SYK: variants seen among roughly 807,000 people sequenced by gnomAD.
SYK encodes tyrosine-protein kinase SYK.
A neutral mutation model predicts 77.8 loss-of-function variants in SYK; 16 were observed. The ratio of observed to expected loss-of-function variants is 0.21; its 90% CI spans 0.14 to 0.31. The LOEUF (loss-of-function observed/expected upper bound fraction) is 0.31. Ranked by LOEUF, SYK falls within the 10% of genes least tolerant of loss-of-function variation. The pLI is 1.00. For missense variants in SYK, 529 were observed against 814.4 expected (o/e 0.65, Z 4.26); for synonymous variants, 312 against 308.7 (o/e 1.01, Z -0.11).
At chr9:90,806,331 T>G (rs932243695) in intron 1 of SYK, among the ~76,000 whole-genome samples, 12 of 152,208 alleles carry the variant, frequency 7.9e-5, no homozygotes, top group African/African-American at 2.4e-4. Context: ...CTCTTCAGTC[T>G]TGCTATACAT....
chr9:90,824,452 A>G (rs184078257), intron 1 of SYK, among the ~76,000 whole-genome samples: 16 of 152,312 alleles, frequency 1.1e-4, no homozygotes, highest in Admixed American at 4.6e-4. Context: ...AATATTACTT[A>G]TATATACAAA....
At chr9:90,870,904 C>T (rs901646634) in intron 7 of SYK, among the ~76,000 whole-genome samples, 2 of 152,168 alleles carry the variant, frequency 1.3e-5, no homozygotes, top group Non-Finnish European at 2.9e-5. Flanking sequence ...AAATTAAGAT[C>T]TAGTAAATGG....
Position 90,862,222 on chromosome 9 carries a change from A to C in SYK, c.595A>C (p.Asn199His). 6.2e-7 allele frequency: 1 copy of C among 1,612,640 alleles called. No homozygotes were observed. Among genetic ancestry groups the C allele is most frequent in the South Asian group, 1.1e-5 (1 of 90,954 alleles). Reference sequence around the variant, plus strand: ...CTCTTCTAGGATCCGAGCCAGAGACAACAACGGCTCCTACGCCCTGTGCCT... The same window carrying C: ...CTCTTCTAGGATCCGAGCCAGAGACCACAACGGCTCCTACGCCCTGTGCCT... Reference protein sequence around the residue: ...NGKFLIRARDNNGSYALCLLH... With the variant: ...NGKFLIRARDHNGSYALCLLH... The change falls in exon 4 of 14, where the codon AAC becomes CAC. Residue 199 changes from asparagine (N) to histidine (H), a missense_variant. Transcript: ENST00000375754.
chr9:90,866,189 G>A (rs1171439051), intron 6 of SYK, among the ~76,000 whole-genome samples: 1 of 152,148 alleles, frequency 6.6e-6, no homozygotes, highest in African/African-American at 2.4e-5. Context: ...GTGAGCCACC[G>A]TGCCCGGCCC....
At chr9:90,830,015 GT>G (rs1825821354) in intron 1 of SYK, among the ~76,000 whole-genome samples, 1 of 152,186 alleles carries the variant, frequency 6.6e-6, no homozygotes, top group Admixed American at 6.5e-5. Flanking sequence ...TTTGGATAAT[GT>G]TTTCAAGTAT....
At chr9:90,826,122 C>A (rs927122056) in intron 1 of SYK, among the ~76,000 whole-genome samples, 1 of 152,192 alleles carries the variant, frequency 6.6e-6, no homozygotes, top group South Asian at 2.1e-4. Context: ...AGGAAAGCCC[C>A]AAGCTTACAT....
In SYK at chr9:90,879,433, C is replaced by G. The variant is rs71494431; in HGVS notation, c.1581+480C>G. Among the ~76,000 whole-genome samples, 3 of 152,070 alleles carry G rather than the reference C, an allele frequency of 2.0e-5. No individual in the cohort carries two copies. The East Asian group carries it at 5.8e-4, about 29-fold the overall frequency. On this transcript the variant is annotated intron_variant, in intron 11 of 13. Coordinates refer to ENST00000375754, the MANE Select transcript of SYK (RefSeq NM_003177.7). ...TTCATAACATGTGGTGGAACACTGTCCCACAGCATGGAGCTATTGGAGCTT... is the reference window on the plus strand; with the variant it reads ...TTCATAACATGTGGTGGAACACTGTGCCACAGCATGGAGCTATTGGAGCTT...
At chr9:90,851,447 A>G (rs1347903575) in intron 3 of SYK, among the ~76,000 whole-genome samples, 1 of 152,178 alleles carries the variant, frequency 6.6e-6, no homozygotes, top group Non-Finnish European at 1.5e-5. Context: ...AGTGTGGGTC[A>G]GTGGTTGTCC....
intron 1 of SYK, among the ~76,000 whole-genome samples, chr9:90,820,154 C>T (rs530815604): frequency 2.0e-5 from 3 of 152,316 alleles, no homozygotes; most frequent in African/African-American, 7.2e-5. Context: ...GTACAGCCTC[C>T]CTCATGGCTG....
intron 11 of SYK, among the ~76,000 whole-genome samples, chr9:90,886,314 AT>A (rs1828573776): frequency 6.6e-6 from 1 of 152,230 alleles, no homozygotes; most frequent in Non-Finnish European, 1.5e-5. Flanking sequence ...TTTTAAAAAA[AT>A]GCTTTGCAGA....
chr9:90,813,341 A>G (rs1825167194), intron 1 of SYK, among the ~76,000 whole-genome samples: 1 of 152,034 alleles, frequency 6.6e-6, no homozygotes, highest in African/African-American at 2.4e-5. Flanking sequence ...GCACTGTGCC[A>G]TACTCGCCCA....
chr9:90,807,046 A>G (rs2115484), intron 1 of SYK, among the ~76,000 whole-genome samples: 35,505 of 152,168 alleles, frequency 0.23, 4,205 homozygotes, highest in Middle Eastern at 0.35. Flanking sequence ...AGAAATGCTG[A>G]ATGAAATAAA....
chr9:90,894,747 A>G (rs1361896184), intron 13 of SYK, among the ~76,000 whole-genome samples: 1 of 152,232 alleles, frequency 6.6e-6, no homozygotes, highest in Non-Finnish European at 1.5e-5. Context: ...AGGATCGATT[A>G]TCAGGGTTTT....
intron 10 of SYK, 121 bp downstream of exon 10, chr9:90,877,901 A>C: frequency 1.1e-6 from 1 of 951,562 alleles, no homozygotes; most frequent in East Asian, 2.5e-5. Flanking sequence ...GCCTTCCTTT[A>C]TTGGTCCATA....
At chr9:90,891,103 G>T (rs1828767149) in intron 13 of SYK, among the ~76,000 whole-genome samples, 1 of 150,602 alleles carries the variant, frequency 6.6e-6, no homozygotes, top group Non-Finnish European at 1.5e-5. Flanking sequence ...CTTTTATTAT[G>T]CAGATGAGGT....
intron 13 of SYK, among the ~76,000 whole-genome samples, chr9:90,890,870 C>A (rs1828756231): frequency 6.6e-6 from 1 of 152,180 alleles, no homozygotes; most frequent in South Asian, 2.1e-4. Context: ...GATGCAGACA[C>A]ACAAGAAGTG....
intron 1 of SYK, among the ~76,000 whole-genome samples, chr9:90,823,547 C>G (rs1825584351): frequency 6.6e-6 from 1 of 152,098 alleles, no homozygotes; most frequent in Non-Finnish European, 1.5e-5. Context: ...ATTATGTTCT[C>G]AGAACACAGT....
chr9:90,862,169 G>T, intron 3 of SYK, 37 bp from the exon 4 acceptor site: 1 of 1,552,988 alleles, frequency 6.4e-7, no homozygotes, highest in South Asian at 1.2e-5. Flanking sequence ...GGAGACTGGC[G>T]GGCCTGGGGA....
intron 8 of SYK, among the ~76,000 whole-genome samples, 183 bp from the exon 9 acceptor site, chr9:90,874,489 G>A (rs1314402780): frequency 6.6e-6 from 1 of 152,132 alleles, no homozygotes; most frequent in Non-Finnish European, 1.5e-5. Flanking sequence ...TGAATGAAAT[G>A]GTCTTTCCCA....
Sources: gnomAD v4.1 joint callset for allele counts (sites outside exome capture counted in the v4.1 genomes callset) on GRCh38, gnomAD v4.1.1 for gene constraint, MANE v1.5 for transcripts, NCBI Gene and HGNC (gene_info 2026-07-23, HGNC 2026-07-21) for gene names.